The following CTNND2 variants were observed in gnomAD, a reference collection of about 807,000 sequenced individuals.
The protein encoded by CTNND2 is catenin delta 2.
Under a neutral mutation model 144.4 loss-of-function variants are expected in CTNND2, and 22 were observed. The ratio of observed to expected loss-of-function variants is 0.15; its 90% confidence interval spans 0.11 to 0.22. The LOEUF (loss-of-function observed/expected upper bound fraction) is 0.22. CTNND2 is among the 10% of genes least tolerant of loss of function. The pLI, the probability that CTNND2 is intolerant of heterozygous loss-of-function variation, is 1.00. For synonymous variants in CTNND2, 751 were observed against 695.6 expected, an observed-to-expected ratio of 1.08 and a Z score of -1.25; for missense variants, 1,353 against 1,618.8, an observed-to-expected ratio of 0.84 and a Z score of 2.82.
At chr5:11,755,413 A>G (rs1788874385) in intron 1 of CTNND2, among the ~76,000 whole-genome samples, 1 of 151,522 alleles carries the variant, frequency 6.6e-6, no homozygotes, top group Non-Finnish European at 1.5e-5. Flanking sequence ...TCTGATGACT[A>G]TGTGTCTTGT....
chr5:11,182,347 G>A (rs1419077621), intron 11 of CTNND2, among the ~76,000 whole-genome samples: 13 of 151,992 alleles, frequency 8.6e-5, no homozygotes, highest in Admixed American at 6.6e-4. Flanking sequence ...ATGTTTGCAT[G>A]CACCCACCTT....
chr5:11,387,575 A>G lies in CTNND2; in HGVS notation c.613-2346T>C, dbSNP rs61749835. Among the ~76,000 whole-genome samples, 6 of 152,310 alleles carry G rather than the reference A, an allele frequency of 3.9e-5. No homozygotes were observed. The East Asian group carries it at 1.2e-3, about 29-fold the overall frequency. ...TGAGCAACACTCAGCCATGCAGAAC[A>G]CAGCTGGCAAGTGATGGAAAAGCAT... On this transcript the variant is annotated intron_variant, in intron 6 of 21. Coordinates refer to ENST00000304623, the MANE Select transcript of CTNND2 (RefSeq NM_001332.4).
At chr5:11,060,406 A>G (rs1746833433) in intron 16 of CTNND2, among the ~76,000 whole-genome samples, 1 of 144,734 alleles carries the variant, frequency 6.9e-6, no homozygotes, top group South Asian at 2.1e-4. Context: ...AAGGATGACT[A>G]CACACACACA....
chr5:11,671,639 G>A (rs1783878593), intron 2 of CTNND2, among the ~76,000 whole-genome samples: 2 of 151,808 alleles, frequency 1.3e-5, no homozygotes, highest in African/African-American at 4.8e-5. Flanking sequence ...AGTCATTTAT[G>A]TTCTTCTCTA....
At chr5:11,147,992 T>C (rs1757411768) in intron 12 of CTNND2, among the ~76,000 whole-genome samples, 1 of 152,242 alleles carries the variant, frequency 6.6e-6, no homozygotes, top group South Asian at 2.1e-4. Flanking sequence ...TTCAGCCACA[T>C]AAAGGACTGA....
In CTNND2 at chr5:11,384,834, G is replaced by A. The variant is rs373034530; in HGVS notation, c.1008C>T (p.Thr336=). ...GCGAGGAGGAGATGGTGGACTGCAC[G>A]GTGGGGGGCGAGGTCACGCGGATCG... ...LSPIRVTSPP[T]VQSTISSSPI... Residue 336 remains threonine (T), a synonymous_variant, in exon 7 of 22, where the codon ACC becomes ACT. Transcript: ENST00000304623. This position sits in a 1 kb window ranked among gnomAD's most constrained non-coding sequence, Gnocchi z 5.2. The A allele has an allele frequency of 9.3e-6, 15 of 1,612,996 alleles. No homozygotes were observed. The highest frequency in any genetic ancestry group is 3.3e-4 in the Middle Eastern group (2 of 5,988).
At chr5:11,844,827 T>A (rs1026108068) in intron 1 of CTNND2, among the ~76,000 whole-genome samples, 3 of 152,248 alleles carry the variant, frequency 2.0e-5, no homozygotes, top group Middle Eastern at 3.4e-3. Flanking sequence ...GTCACATTAA[T>A]ATTGTTAATC....
chr5:11,321,271 T>C (rs1424524845), intron 9 of CTNND2, among the ~76,000 whole-genome samples: 1 of 152,248 alleles, frequency 6.6e-6, no homozygotes, highest in Non-Finnish European at 1.5e-5. Context: ...TTTTCCATTT[T>C]TGTCACTTGC....
At chr5:11,797,036 C>T (rs1791441556) in intron 1 of CTNND2, among the ~76,000 whole-genome samples, 1 of 152,094 alleles carries the variant, frequency 6.6e-6, no homozygotes, top group East Asian at 1.9e-4. Context: ...TATCTACTAG[C>T]AGTAAAAAGG....
At chr5:11,456,161 T>C (rs749286976) in intron 3 of CTNND2, among the ~76,000 whole-genome samples, 1 of 152,218 alleles carries the variant, frequency 6.6e-6, no homozygotes, top group Non-Finnish European at 1.5e-5. Context: ...ATTTATCATC[T>C]AATCGAATCA....
At chr5:11,068,422 G>C (rs74939528) in intron 16 of CTNND2, among the ~76,000 whole-genome samples, 6,716 of 152,298 alleles carry the variant, frequency 0.044, 201 homozygotes, top group Middle Eastern at 0.068. Context: ...ATTTTTATAA[G>C]TTTGTGGTGG....
chr5:11,615,999 T>C (rs1167024770), intron 2 of CTNND2, among the ~76,000 whole-genome samples: 2 of 152,210 alleles, frequency 1.3e-5, no homozygotes, highest in African/African-American at 4.8e-5. Flanking sequence ...ATCATACACA[T>C]AACAATGATT....
chr5:11,493,367 C>A (rs1264902100), intron 3 of CTNND2, among the ~76,000 whole-genome samples: 1 of 152,178 alleles, frequency 6.6e-6, no homozygotes, highest in Non-Finnish European at 1.5e-5. Context: ...AAAACTCCAT[C>A]TCTTGGGTTA....
intron 2 of CTNND2, among the ~76,000 whole-genome samples, chr5:11,710,120 C>G (rs183612954): frequency 6.6e-6 from 1 of 151,926 alleles, no homozygotes; most frequent in Non-Finnish European, 1.5e-5. Context: ...ACTATGCATC[C>G]CAAGAGAAGG....
At chr5:11,544,182 CTTTTT>C (rs35642044) in intron 3 of CTNND2, among the ~76,000 whole-genome samples, 1 of 145,820 alleles carries the variant, frequency 6.9e-6, no homozygotes, top group Non-Finnish European at 1.5e-5. Context: ...TTTTTTTTTT[CTTTTT>C]TTTTTGAGAC....
chr5:11,433,370 C>T (rs985751592), intron 3 of CTNND2, among the ~76,000 whole-genome samples: 7 of 152,216 alleles, frequency 4.6e-5, no homozygotes, highest in African/African-American at 1.7e-4. Context: ...TGCACATCCA[C>T]TTGAATGACT....
chr5:11,157,819 C>G (rs1483860207), intron 12 of CTNND2, among the ~76,000 whole-genome samples: 1 of 152,192 alleles, frequency 6.6e-6, no homozygotes, highest in African/African-American at 2.4e-5. Context: ...TCCTGGCCAG[C>G]AGCAGAAGCA....
chr5:11,301,211 G>T (rs909572461), intron 9 of CTNND2, among the ~76,000 whole-genome samples: 26 of 152,170 alleles, frequency 1.7e-4, no homozygotes, highest in African/African-American at 6.0e-4. Flanking sequence ...TAGAGATAGG[G>T]TTTCACTATG....
At chr5:11,350,174 T>C (rs1213882951) in intron 8 of CTNND2, among the ~76,000 whole-genome samples, 1 of 152,110 alleles carries the variant, frequency 6.6e-6, no homozygotes, top group East Asian at 1.9e-4. Flanking sequence ...CTACTAAAGA[T>C]ACAGAGAAGA....
Sources: gnomAD v4.1 joint callset for allele counts (sites outside exome capture counted in the v4.1 genomes callset) on GRCh38, gnomAD v4.1.1 for gene constraint, Gnocchi (gnomAD v3.1) non-coding constraint, MANE v1.5 for transcripts, NCBI Gene and HGNC (gene_info 2026-07-23, HGNC 2026-07-21) for gene names.